The following LRRC74A variants were observed in gnomAD, a reference collection of about 807,000 sequenced individuals.
LRRC74A encodes the protein leucine-rich repeat-containing protein 74A.
In LRRC74A, 44 loss-of-function variants were observed where a neutral mutation model predicts 57.9. The observed-to-expected ratio is 0.76, with a 90% confidence interval of 0.60 to 0.98. The LOEUF is 0.98. Ranked by LOEUF, LRRC74A falls within the 50% of genes least tolerant of loss-of-function variation. The probability of loss-of-function intolerance (pLI) is 0.00; values close to 1 mark genes in which losing one functional copy is unlikely to be tolerated. For missense variants in LRRC74A, 572 were observed against 574.0 expected, an observed-to-expected ratio of 1.00 and a Z score of 0.04; for synonymous variants, 211 against 219.4, an observed-to-expected ratio of 0.96 and a Z score of 0.34.
rs1897028579 is a variant in LRRC74A, at chr14:76,845,015, T to G, written c.676+114T>G. On this transcript the variant is annotated intron_variant, in intron 7 of 13. Transcript: ENST00000689127. The stretch of plus-strand genomic sequence containing the variant: ...TTAAATGTTGTGATTATAAAAGTGA[T>G]GTAAACATGCCCAAAATACATTCAG... 6.1e-6 allele frequency: 4 copies of G among 657,426 alleles called. No individual in the cohort carries two copies. The Admixed American group carries it at 8.2e-5, about 14-fold the overall frequency. 40.7% of individuals were successfully genotyped at this position (657,426 alleles called of 1,614,324 possible). A position where few individuals can be genotyped will look rare whatever the true frequency, so the allele number is the denominator to read the frequency against.
chr14:76,868,970 A>T (rs1337707244), intron 13 of LRRC74A, among the ~76,000 whole-genome samples: 1 of 152,208 alleles, frequency 6.6e-6, no homozygotes, highest in African/African-American at 2.4e-5. Context: ...GTCACTCGGT[A>T]GGGACACTGG....
chr14:76,857,716 C>T (rs982707422), intron 10 of LRRC74A, among the ~76,000 whole-genome samples: 1 of 152,148 alleles, frequency 6.6e-6, no homozygotes, highest in Non-Finnish European at 1.5e-5. Flanking sequence ...GAAACTAGGG[C>T]TATGAAAACC....
rs117691677 is a variant in LRRC74A at position 76,858,663 on chromosome 14, C to T, written c.1053+1188C>T. On this transcript the variant is annotated intron_variant, in intron 10 of 13. Transcript: ENST00000689127. ...AGGCTGGAGTGCAGTAATGTGATGT[C>T]GGCTCACCTCCGCCTCCTGGGTTCA... 6.9e-4 allele frequency among the ~76,000 whole-genome samples: 105 copies of T among 152,110 alleles called. No homozygotes were observed. The East Asian group carries it at 0.018, about 26-fold the overall frequency.
chr14:76,859,239 CATTAGAAATGT>C (rs1332889435), intron 10 of LRRC74A, among the ~76,000 whole-genome samples: 1 of 152,064 alleles, frequency 6.6e-6, no homozygotes, highest in East Asian at 1.9e-4. Flanking sequence ...TTTGAGAGAA[CATTAGAAATGT>C]TCTCTCAGGC....
intron 2 of LRRC74A, among the ~76,000 whole-genome samples, chr14:76,829,977 T>C (rs1895857816): frequency 6.6e-6 from 1 of 152,114 alleles, no homozygotes; most frequent in Admixed American, 6.6e-5. Flanking sequence ...AAGGGGACAT[T>C]GGGCAAACTA....
intron 3 of LRRC74A, 73 bp downstream of exon 3, chr14:76,831,448 A>G (rs543193828): frequency 2.0e-5 from 31 of 1,523,806 alleles, no homozygotes; most frequent in Admixed American, 1.9e-4. Context: ...CCCAAGATTC[A>G]GAGGGCCCCT....
intron 5 of LRRC74A, 67 bp from the exon 6 acceptor site, chr14:76,844,356 C>A: frequency 7.0e-7 from 1 of 1,419,798 alleles, no homozygotes; most frequent in Non-Finnish European, 9.8e-7. Flanking sequence ...CTGGGAGGGG[C>A]AGGGGGTGGG....
chr14:76,856,524 ATGGATGGATGG>A (rs1897887596), intron 9 of LRRC74A, among the ~76,000 whole-genome samples: 2 of 150,762 alleles, frequency 1.3e-5, no homozygotes, highest in African/African-American at 4.9e-5. Flanking sequence ...GGATGGATGG[ATGGATGGATGG>A]ATGGATGGAT....
At chr14:76,853,532 C>A in intron 9 of LRRC74A, 122 bp downstream of exon 9, 2 of 911,228 alleles carry the variant, frequency 2.2e-6, no homozygotes, top group Non-Finnish European at 3.3e-6. Flanking sequence ...ATCTGTACTT[C>A]ATATATGCAT....
chr14:76,857,393 C>T lies in LRRC74A; in HGVS notation c.971C>T (p.Pro324Leu). The T allele has an allele frequency of 6.3e-7, 1 of 1,577,884 alleles. No homozygotes were observed. The highest frequency in any genetic ancestry group is 1.2e-5 in the South Asian group (1 of 86,328). Residue 324 changes from proline to leucine, a missense_variant, in exon 10 of 14, where the codon CCC becomes CTC. Coordinates refer to ENST00000689127, the MANE Select transcript of LRRC74A (RefSeq NM_001385106.1). ...SLRVLKLFLN[P>L]INMDGAILLI... ...CTCCCTCTATAGCTTTTCCTGAATC[C>T]CATAAATATGGATGGGGCTATTTTA...
intron 10 of LRRC74A, among the ~76,000 whole-genome samples, chr14:76,860,024 C>T (rs1158465432): frequency 1.3e-5 from 2 of 152,090 alleles, no homozygotes; most frequent in African/African-American, 4.8e-5. Context: ...TAACTCTGAA[C>T]AGTATAGAAA....
At position 76,829,133 on chromosome 14, in the gene LRRC74A, C is replaced by G. The variant is rs1295408974; in HGVS notation, c.166+714C>G. On this transcript the variant is annotated intron_variant, in intron 2 of 13. Transcript: ENST00000689127. The stretch of plus-strand genomic sequence containing the variant: ...GCACCGAAAGAGAACACTTGTGAAG[C>G]AAGAGAATGACGCTGGTTCCATCTG... The G allele has an allele frequency of 3.1e-6, 4 of 1,289,418 alleles. No individual in the cohort carries two copies. The Admixed American group carries it at 6.9e-5, about 22-fold the overall frequency. 79.9% of individuals were successfully genotyped at this position (1,289,418 alleles called of 1,614,324 possible). A position where few individuals can be genotyped will look rare whatever the true frequency, so the allele number is the denominator to read the frequency against.
chr14:76,849,355 C>T (rs1897291646), intron 7 of LRRC74A, among the ~76,000 whole-genome samples: 1 of 151,752 alleles, frequency 6.6e-6, no homozygotes, highest in African/African-American at 2.4e-5. Flanking sequence ...TGGGTTTTCA[C>T]CATGTTGGCC....
chr14:76,833,436 C>CTT lies in LRRC74A; in HGVS notation c.339+2083_339+2084dup, dbSNP rs61149051. Among the ~76,000 whole-genome samples the CTT allele has an allele frequency of 3.1e-3, 211 of 69,018 alleles. 2 individuals are homozygous for CTT. Among genetic ancestry groups the CTT allele is most frequent in the Admixed American group, 6.0e-3 (32 of 5,300 alleles). The allele number at this position is 69,018 out of a possible 152,430, so 45.3% of individuals were successfully genotyped here. A position where few individuals can be genotyped will look rare whatever the true frequency, so the allele number is the denominator to read the frequency against. On this transcript the variant is annotated intron_variant, in intron 3 of 13. Transcript: ENST00000689127. Reference sequence around the variant, plus strand: ...AGAGAGAGATGCCACATTCACATCACTTTTTTTTTTTTTTTTTTTTTTTGA... The same window carrying CTT: ...AGAGAGAGATGCCACATTCACATCACTTTTTTTTTTTTTTTTTTTTTTTTTGA...
At chr14:76,839,811 A>G (rs1595357643) in intron 5 of LRRC74A, among the ~76,000 whole-genome samples, 1 of 151,772 alleles carries the variant, frequency 6.6e-6, no homozygotes, top group South Asian at 2.1e-4. Context: ...ACTCACTGCA[A>G]CCCCCGCCTC....
intron 5 of LRRC74A, among the ~76,000 whole-genome samples, chr14:76,842,982 T>C (rs933720589): frequency 6.6e-6 from 1 of 152,136 alleles, no homozygotes; most frequent in African/African-American, 2.4e-5. Flanking sequence ...GGTCTAGTCA[T>C]GTGTGTGCAG....
chr14:76,831,264 G>C lies in LRRC74A; in HGVS notation c.228G>C (p.Met76Ile), dbSNP rs1209687054. 10 of 1,613,930 alleles carry C rather than the reference G, an allele frequency of 6.2e-6. No homozygotes were observed. Among genetic ancestry groups the C allele is most frequent in the Non-Finnish European group, 7.6e-6 (9 of 1,179,894 alleles). ...KELYLEACKLMGVVPVSYFIR... is the reference protein window; with the variant it reads ...KELYLEACKLIGVVPVSYFIR... ...TGTACCTGGAGGCCTGCAAGCTGATGGGTGTAGTGCCTGTCTCCTACTTCA... is the reference window on the plus strand; with the variant it reads ...TGTACCTGGAGGCCTGCAAGCTGATCGGTGTAGTGCCTGTCTCCTACTTCA... Residue 76 changes from methionine (M) to isoleucine (I), a missense_variant, in exon 3 of 14, where the codon ATG becomes ATC. Physicochemically the swap from Met to Ile is conservative, Grantham distance 10. Transcript: ENST00000689127.
intron 11 of LRRC74A, among the ~76,000 whole-genome samples, chr14:76,864,243 C>T (rs965444613): frequency 3.3e-5 from 5 of 152,028 alleles, no homozygotes; most frequent in Non-Finnish European, 5.9e-5. Flanking sequence ...CTTTGGGAGG[C>T]ACTCCGGAAG....
Position 76,867,349 on chromosome 14 carries a change from TC to T in LRRC74A, c.1309-5del, listed in dbSNP as rs1466366882. The T allele has an allele frequency of 6.7e-7, 1 of 1,492,512 alleles. No individual in the cohort carries two copies. The highest frequency in any genetic ancestry group is 9.3e-7 in the Non-Finnish European group (1 of 1,072,026). The allele number at this position is 1,492,512 out of a possible 1,614,324, so 92.5% of individuals were successfully genotyped here. A position where few individuals can be genotyped will look rare whatever the true frequency, so the allele number is the denominator to read the frequency against. On this transcript the variant is annotated splice_polypyrimidine_tract_variant and splice_region_variant and intron_variant, in intron 12 of 13. Transcript: ENST00000689127. Reference sequence around the variant, plus strand: ...ATTAACTGCACATGTTCCATCCACCTCCTCAGCAAAACAAGGTCCCCCTGAA... The same window carrying T: ...ATTAACTGCACATGTTCCATCCACCTCTCAGCAAAACAAGGTCCCCCTGAA...
Sources: allele counts gnomAD v4.1 joint callset (sites outside exome capture counted in the v4.1 genomes callset), GRCh38; gene constraint gnomAD v4.1.1; transcripts MANE v1.5; gene names NCBI Gene and HGNC (gene_info 2026-07-23, HGNC 2026-07-21).